Variants in ADAMTSL1 observed in about 807,000 individuals in gnomAD.
ADAMTSL1 encodes ADAMTS-like protein 1.
ADAMTSL1 carries 126 observed loss-of-function variants against 201.8 expected under a neutral mutation model. The ratio of observed to expected loss-of-function variants is 0.62; its 90% CI spans 0.54 to 0.72. ADAMTSL1 has a LOEUF of 0.72. Among genes scored for constraint, ADAMTSL1 ranks in the 30% least tolerant of loss-of-function variants. The probability of loss-of-function intolerance (pLI) is 0.00; values close to 1 mark genes in which losing one functional copy is unlikely to be tolerated. For missense variants in ADAMTSL1, 2,679 were observed against 2,277.8 expected (o/e 1.18, Z -3.59); for synonymous variants, 1,121 against 903.4 (o/e 1.24, Z -4.32).
intron 4 of ADAMTSL1, among the ~76,000 whole-genome samples, chr9:18,600,437 G>T (rs916651389): frequency 1.3e-5 from 2 of 152,170 alleles, no homozygotes; most frequent in African/African-American, 4.8e-5. Flanking sequence ...CCTATAGCCT[G>T]TGCTTTTTAT....
chr9:18,530,533 C>A (rs186333921), intron 2 of ADAMTSL1, among the ~76,000 whole-genome samples: 6 of 152,220 alleles, frequency 3.9e-5, no homozygotes, highest in African/African-American at 1.4e-4. Context: ...CCCACATAAA[C>A]CCTAAATCCC....
chr9:18,664,474 C>T (rs556363866), intron 9 of ADAMTSL1, among the ~76,000 whole-genome samples: 1 of 152,010 alleles, frequency 6.6e-6, no homozygotes, highest in Non-Finnish European at 1.5e-5. Context: ...TTTAGAAATT[C>T]CCAAAAGGGA....
chr9:18,011,284 C>G (rs938628322), intron 1 of ADAMTSL1, among the ~76,000 whole-genome samples: 1 of 152,006 alleles, frequency 6.6e-6, no homozygotes, highest in East Asian at 1.9e-4. Context: ...TTGAACTACT[C>G]TCATAATCTT....
chr9:18,203,955 G>T (rs1466754720), intron 2 of ADAMTSL1, among the ~76,000 whole-genome samples: 1 of 152,152 alleles, frequency 6.6e-6, no homozygotes, highest in Non-Finnish European at 1.5e-5. Flanking sequence ...AGAAACACAG[G>T]TAATTTACTG....
At chr9:18,542,683 A>T (rs117101315) in intron 3 of ADAMTSL1, among the ~76,000 whole-genome samples, 543 of 152,278 alleles carry the variant, frequency 3.6e-3, no homozygotes, top group Non-Finnish European at 5.9e-3. Flanking sequence ...CCAGAATTGC[A>T]TAAAAATAAA....
chr9:18,223,740 T>A (rs1397276079), intron 2 of ADAMTSL1, among the ~76,000 whole-genome samples: 3 of 152,114 alleles, frequency 2.0e-5, no homozygotes, highest in Non-Finnish European at 4.4e-5. Flanking sequence ...AATGTATCTA[T>A]CTTTAATTCT....
rs147664409 is a variant in ADAMTSL1 at position 18,157,882 on chromosome 9, C to A, written c.88-5980C>A. Among the ~76,000 whole-genome samples the A allele has an allele frequency of 2.3e-3, 343 of 151,998 alleles. 3 individuals carry two copies. The highest frequency in any genetic ancestry group is 7.9e-3 in the African/African-American group (326 of 41,470). ...AGTTGGCAGCCATTAGCTGTGAACA[C>A]CTGAAGCTACTTCAAGCATCTTTTT... On this transcript the variant is annotated intron_variant, in intron 1 of 29. Transcript: ENST00000680146.
At chr9:17,996,320 C>G (rs1441456124) in intron 1 of ADAMTSL1, among the ~76,000 whole-genome samples, 4 of 152,024 alleles carry the variant, frequency 2.6e-5, no homozygotes, top group Non-Finnish European at 5.9e-5. Context: ...CACTTGTGTG[C>G]TTTTACTTCC....
At chr9:18,183,309 CATTGGGTGTAGTG>C (rs1828583683) in intron 2 of ADAMTSL1, among the ~76,000 whole-genome samples, 1 of 152,166 alleles carries the variant, frequency 6.6e-6, no homozygotes, top group Non-Finnish European at 1.5e-5. Flanking sequence ...ACCTAGATGA[CATTGGGTGTAGTG>C]ATGATGTTTT....
chr9:18,009,119 A>G (rs911752199), intron 1 of ADAMTSL1, among the ~76,000 whole-genome samples: 4 of 151,936 alleles, frequency 2.6e-5, no homozygotes, highest in Non-Finnish European at 4.4e-5. Flanking sequence ...ACCAGATCCC[A>G]TTATTCAACC....
At chr9:17,934,128 T>G (rs1431641126) in intron 1 of ADAMTSL1, among the ~76,000 whole-genome samples, 1 of 152,144 alleles carries the variant, frequency 6.6e-6, no homozygotes, top group African/African-American at 2.4e-5. Context: ...CAAGGCACTA[T>G]CACCATTGAA....
At chr9:18,847,695 T>C (rs769463277) in intron 23 of ADAMTSL1, among the ~76,000 whole-genome samples, 1 of 152,122 alleles carries the variant, frequency 6.6e-6, no homozygotes, top group African/African-American at 2.4e-5. Context: ...ACAGGAAGAA[T>C]GAGTGCGGAG....
intron 13 of ADAMTSL1, among the ~76,000 whole-genome samples, chr9:18,704,481 A>C (rs995728106): frequency 6.6e-6 from 1 of 152,226 alleles, no homozygotes; most frequent in African/African-American, 2.4e-5. Context: ...AAGAAGTATT[A>C]TTCATCACAC....
intron 21 of ADAMTSL1, among the ~76,000 whole-genome samples, chr9:18,823,484 G>T (rs1216770384): frequency 6.6e-6 from 1 of 152,176 alleles, no homozygotes; most frequent in African/African-American, 2.4e-5. Flanking sequence ...TCCTGGGGGA[G>T]TGAGAAATAG....
intron 2 of ADAMTSL1, among the ~76,000 whole-genome samples, chr9:18,455,864 G>A (rs1484082448): frequency 6.7e-6 from 1 of 149,268 alleles, no homozygotes; most frequent in African/African-American, 2.5e-5. Context: ...AGGATCTTAT[G>A]TTAATAGCCC....
At chr9:18,293,324 C>T (rs1833345990) in intron 2 of ADAMTSL1, among the ~76,000 whole-genome samples, 2 of 152,210 alleles carry the variant, frequency 1.3e-5, no homozygotes, top group African/African-American at 4.8e-5. Context: ...AGCAATAAAA[C>T]TTTATTTTAA....
chr9:18,013,811 G>A (rs145109532), intron 1 of ADAMTSL1, among the ~76,000 whole-genome samples: 7 of 152,044 alleles, frequency 4.6e-5, no homozygotes, highest in Middle Eastern at 3.4e-3. Context: ...TGATTTCTAG[G>A]GGGGGAGCTT....
intron 1 of ADAMTSL1, among the ~76,000 whole-genome samples, chr9:18,005,172 C>G (rs1479542155): frequency 1.3e-5 from 2 of 152,014 alleles, no homozygotes. Flanking sequence ...TAGGAGAAGT[C>G]ACACTTAAAT....
Position 18,906,897 on chromosome 9 carries a change from A to G in ADAMTSL1, c.5167A>G (p.Thr1723Ala). The G allele has an allele frequency of 6.2e-7, 1 of 1,613,858 alleles. No homozygotes were observed. The highest frequency in any genetic ancestry group is 1.3e-5 in the African/African-American group (1 of 75,028). The change falls in exon 28 of 29, where the codon ACC becomes GCC. Residue 1723 changes from threonine (T) to alanine (A), a missense_variant. Thr to Ala is a moderately conservative substitution (Grantham distance 58, BLOSUM62 0). Coordinates refer to ENST00000380548, the MANE Select transcript of ADAMTSL1 (RefSeq NM_001040272.6). ...RPANWQRCNI[T>A]PCENMECRDT... ...TGCCAACTGGCAGCGCTGCAACATC[A>G]CCCCATGTGAAAACAGTATGTTCCA... is the stretch of plus-strand genomic sequence containing the variant.
Sources: allele counts gnomAD v4.1 joint callset (sites outside exome capture counted in the v4.1 genomes callset), GRCh38; gene constraint gnomAD v4.1.1; transcripts MANE v1.5; gene names NCBI Gene and HGNC (gene_info 2026-07-23, HGNC 2026-07-21).